DNAJB13: variants seen among roughly 807,000 people sequenced by gnomAD.
The protein encoded by DNAJB13 is DnaJ heat shock protein family (Hsp40) member B13, also known as dnaJ homolog subfamily B member 13.
In DNAJB13, 22 loss-of-function variants were observed where a neutral mutation model predicts 35.6. That is an observed-to-expected ratio of 0.62 (90% CI 0.44 to 0.88). DNAJB13 has a LOEUF of 0.88. Ranked by LOEUF, DNAJB13 falls within the 40% of genes least tolerant of loss-of-function variation. The pLI is 0.00. For missense variants in DNAJB13, 370 were observed against 384.3 expected, an observed-to-expected ratio of 0.96 and a Z score of 0.31; for synonymous variants, 136 against 144.2, an observed-to-expected ratio of 0.94 and a Z score of 0.41.
At chr11:73,967,003 C>T (rs147832545) in intron 5 of DNAJB13, among the ~76,000 whole-genome samples, 5,328 of 152,230 alleles carry the variant, frequency 0.035, 321 homozygotes, top group African/African-American at 0.12. Flanking sequence ...CAGGCATGCA[C>T]CACCACACCC....
At chr11:73,954,745 C>T (rs1283415582) in intron 1 of DNAJB13, among the ~76,000 whole-genome samples, 1 of 151,938 alleles carries the variant, frequency 6.6e-6, no homozygotes, top group African/African-American at 2.4e-5. Context: ...CTCCTGAGGT[C>T]GGAAGTTCAA....
intron 3 of DNAJB13, 63 bp from the exon 4 acceptor site, chr11:73,964,815 G>GCGCGCCCGCGCGCGCGCGCGCC (rs1554992103): frequency 1.1e-6 from 1 of 886,154 alleles, no homozygotes; most frequent in African/African-American, 2.0e-5. Context: ...GTGTGTGTGC[G>GCGCGCCCGCGCGCGCGCGCGCC]CGCGCGCGCA....
At chr11:73,968,605 G>A in intron 6 of DNAJB13, 147 bp downstream of exon 6, 1 of 673,070 alleles carries the variant, frequency 1.5e-6, no homozygotes, top group Non-Finnish European at 2.5e-6. Context: ...CATCCACTTG[G>A]TCCCGTCTGC....
At chr11:73,964,047 G>A (rs894360936) in intron 3 of DNAJB13, 1 of 152,250 alleles carries the variant, frequency 6.6e-6, no homozygotes, top group African/African-American at 2.4e-5. Flanking sequence ...AGCACCTGAC[G>A]CATAGTAAGC....
intron 5 of DNAJB13, among the ~76,000 whole-genome samples, chr11:73,967,214 C>T (rs1427214342): frequency 1.3e-5 from 2 of 151,640 alleles, no homozygotes; most frequent in African/African-American, 4.8e-5. Flanking sequence ...AGACTGGCCT[C>T]GAAATCCTGA....
At chr11:73,962,446 T>C (rs607640) in intron 3 of DNAJB13, among the ~76,000 whole-genome samples, 73,369 of 144,780 alleles carry the variant, frequency 0.51, 20,339 homozygotes, top group African/African-American at 0.78. Context: ...GCTGGGTAAA[T>C]GAATGGATGG....
intron 4 of DNAJB13, 64 bp from the exon 5 acceptor site, chr11:73,966,074 C>T: frequency 1.4e-6 from 2 of 1,452,716 alleles, no homozygotes; most frequent in Non-Finnish European, 9.5e-7. Flanking sequence ...AAAATCTGAG[C>T]AAATCTCGAC....
At chr11:73,958,502 C>G (rs1950825933) in intron 2 of DNAJB13, 82 bp downstream of exon 2, 10 of 1,271,912 alleles carry the variant, frequency 7.9e-6, no homozygotes, top group Non-Finnish European at 1.1e-5. Flanking sequence ...CTGAGGGGGC[C>G]CAATAACGAG....
chr11:73,969,658 C>T (rs779359401), intron 7 of DNAJB13, among the ~76,000 whole-genome samples: 1 of 152,252 alleles, frequency 6.6e-6, no homozygotes, highest in Non-Finnish European at 1.5e-5. Flanking sequence ...GAAAGGCCCT[C>T]TGCCCGTGAG....
chr11:73,960,057 C>T lies in DNAJB13; in HGVS notation c.334+402C>T, dbSNP rs987138156. On this transcript the variant is annotated intron_variant, in intron 3 of 7. Transcript: ENST00000339764. Reference sequence around the variant, plus strand: ...TGCTAGGATTACAGGCATGAGCCACCGTGCCCGGCCTATTTTTACTTTAAT... The same window carrying T: ...TGCTAGGATTACAGGCATGAGCCACTGTGCCCGGCCTATTTTTACTTTAAT... 9.2e-5 allele frequency among the ~76,000 whole-genome samples: 14 copies of T among 152,276 alleles called. No homozygotes were observed. The South Asian group carries it at 1.9e-3, about 20-fold the overall frequency.
chr11:73,957,872 C>T (rs1950800480), intron 1 of DNAJB13, among the ~76,000 whole-genome samples: 1 of 152,154 alleles, frequency 6.6e-6, no homozygotes. Context: ...GGGAAGGGAG[C>T]AGGGGCGCGC....
At chr11:73,963,345 CAAAAAA>C (rs565063917) in intron 3 of DNAJB13, among the ~76,000 whole-genome samples, 1 of 119,696 alleles carries the variant, frequency 8.4e-6, no homozygotes, top group African/African-American at 3.1e-5. Context: ...GACTCTGTCT[CAAAAAA>C]AAAAAAGAAA....
intron 3 of DNAJB13, among the ~76,000 whole-genome samples, chr11:73,961,501 C>G (rs989075280): frequency 1.3e-5 from 2 of 152,192 alleles, no homozygotes; most frequent in Admixed American, 1.3e-4. Context: ...TCACTTGCCT[C>G]TGACAGGCAT....
Position 73,964,812 on chromosome 11 carries a change from T to TGCGCGCGC in DNAJB13, c.335-61_335-54dup, listed in dbSNP as rs1350955423. On this transcript the variant is annotated intron_variant, in intron 3 of 7. Coordinates refer to ENST00000339764, the MANE Select transcript of DNAJB13 (RefSeq NM_153614.4). ...GTGTGTGTGTGTGTGTGTGTGTGTG[T>TGCGCGCGC]GCGCGCGCGCGCATGTCTGGGTCTC... is the stretch of plus-strand genomic sequence containing the variant. 417 of 698,046 alleles carry TGCGCGCGC rather than the reference T, an allele frequency of 6.0e-4. 14 individuals carry two copies. Among genetic ancestry groups the TGCGCGCGC allele is most frequent in the African/African-American group, 1.4e-3 (65 of 45,132 alleles). The allele number at this position is 698,046 out of a possible 1,614,324, so 43.2% of individuals were successfully genotyped here. A position where few individuals can be genotyped will look rare whatever the true frequency, so the allele number is the denominator to read the frequency against.
At chr11:73,969,638 C>G (rs1951222933) in intron 7 of DNAJB13, among the ~76,000 whole-genome samples, 1 of 152,240 alleles carries the variant, frequency 6.6e-6, no homozygotes, top group Non-Finnish European at 1.5e-5. Flanking sequence ...TATCCTAAGT[C>G]CTTTTCCAAG....
chr11:73,952,155 A>G (rs1950602176), intron 1 of DNAJB13, among the ~76,000 whole-genome samples: 1 of 152,198 alleles, frequency 6.6e-6, no homozygotes, highest in African/African-American at 2.4e-5. Context: ...AAGAGGAAGT[A>G]TGGGGGGCTG....
chr11:73,964,810 T>TGCGC lies in DNAJB13; in HGVS notation c.335-67_335-66insCGCG, dbSNP rs763008519. 3.2e-4 allele frequency: 223 copies of TGCGC among 705,564 alleles called. 2 individuals are homozygous for TGCGC. The African/African-American group carries it at 4.3e-3, about 14-fold the overall frequency. 43.7% of individuals were successfully genotyped at this position (705,564 alleles called of 1,614,324 possible). A position where few individuals can be genotyped will look rare whatever the true frequency, so the allele number is the denominator to read the frequency against. ...GTGTGTGTGTGTGTGTGTGTGTGTG[T>TGCGC]GTGCGCGCGCGCGCATGTCTGGGTC... is the stretch of plus-strand genomic sequence containing the variant. On this transcript the variant is annotated intron_variant, in intron 3 of 7. Transcript: ENST00000339764.
chr11:73,958,495 AG>A (rs1950825492), intron 2 of DNAJB13, 75 bp downstream of exon 2: 1 of 1,349,938 alleles, frequency 7.4e-7, no homozygotes, highest in Non-Finnish European at 1.0e-6. Flanking sequence ...GGGTTTTCTG[AG>A]GGGGCCCAAT....
intron 3 of DNAJB13, chr11:73,964,607 A>G: frequency 2.4e-6 from 1 of 415,214 alleles, no homozygotes; most frequent in Non-Finnish European, 4.4e-6. Flanking sequence ...GGAATGTCCC[A>G]AGGGGAGGTG....
Sources: gnomAD v4.1 joint callset for allele counts (sites outside exome capture counted in the v4.1 genomes callset) on GRCh38, gnomAD v4.1.1 for gene constraint, MANE v1.5 for transcripts, NCBI Gene and HGNC (gene_info 2026-07-23, HGNC 2026-07-21) for gene names.